PLEKHM3: variants seen among roughly 807,000 people sequenced by gnomAD.
The protein encoded by PLEKHM3 is pleckstrin homology domain-containing family M member 3.
PLEKHM3 carries 45 observed loss-of-function variants against 81.8 expected under a neutral mutation model. The ratio of observed to expected loss-of-function variants is 0.55; its 90% confidence interval spans 0.43 to 0.71. The LOEUF (loss-of-function observed/expected upper bound fraction) is 0.71. Among genes scored for constraint, PLEKHM3 ranks in the 30% least tolerant of loss-of-function variants. The probability of loss-of-function intolerance (pLI) is 0.00; values close to 1 mark genes in which losing one functional copy is unlikely to be tolerated. For missense variants in PLEKHM3, 788 were observed against 924.3 expected, an observed-to-expected ratio of 0.85 and a Z score of 1.91; for synonymous variants, 352 against 356.4, an observed-to-expected ratio of 0.99 and a Z score of 0.14.
At chr2:207,878,526 T>C (rs1378465193) in intron 6 of PLEKHM3, among the ~76,000 whole-genome samples, 5 of 152,230 alleles carry the variant, frequency 3.3e-5, no homozygotes, top group African/African-American at 1.2e-4. Context: ...CAGAATCGCT[T>C]GAACCCAGGA....
At chr2:207,970,238 AG>A (rs1691068269) in intron 3 of PLEKHM3, among the ~76,000 whole-genome samples, 1 of 151,878 alleles carries the variant, frequency 6.6e-6, no homozygotes, top group Non-Finnish European at 1.5e-5. Context: ...AAGAGGAGGT[AG>A]GGTGGGGCAA....
chr2:207,856,676 G>A (rs1451447980), intron 7 of PLEKHM3, among the ~76,000 whole-genome samples: 1 of 152,124 alleles, frequency 6.6e-6, no homozygotes, highest in South Asian at 2.1e-4. Flanking sequence ...ATATTCCGTT[G>A]TATGGATATG....
At chr2:207,934,349 A>G (rs571094723) in intron 4 of PLEKHM3, among the ~76,000 whole-genome samples, 2 of 152,290 alleles carry the variant, frequency 1.3e-5, no homozygotes, top group Non-Finnish European at 2.9e-5. Flanking sequence ...ATGAGCTCAA[A>G]TGAATGGTTT....
At chr2:207,857,227 A>G (rs960674720) in intron 7 of PLEKHM3, among the ~76,000 whole-genome samples, 4 of 152,176 alleles carry the variant, frequency 2.6e-5, no homozygotes, top group Admixed American at 2.6e-4. Flanking sequence ...TTTTGACTCT[A>G]TTCATACATT....
At chr2:207,925,132 G>GTTTTTTTTTTTTTTTTT in intron 5 of PLEKHM3, among the ~76,000 whole-genome samples, 2 of 138,520 alleles carry the variant, frequency 1.4e-5, no homozygotes, top group Non-Finnish European at 3.2e-5. Context: ...GAACAGGGTT[G>GTTTTTTTTTTTTTTTTT]TTTTTTTGTT....
chr2:207,890,593 C>T (rs1283923345), intron 6 of PLEKHM3, among the ~76,000 whole-genome samples: 1 of 151,904 alleles, frequency 6.6e-6, no homozygotes, highest in Non-Finnish European at 1.5e-5. Flanking sequence ...GTACCACTGC[C>T]CTCCAGCCTG....
At chr2:208,018,206 C>G (rs1164464551) in intron 1 of PLEKHM3, among the ~76,000 whole-genome samples, 2 of 152,038 alleles carry the variant, frequency 1.3e-5, no homozygotes, top group Non-Finnish European at 2.9e-5. Context: ...AACCCCATCT[C>G]TACCAAAAAT....
At chr2:207,943,087 A>G (rs1689997852) in intron 4 of PLEKHM3, among the ~76,000 whole-genome samples, 1 of 152,204 alleles carries the variant, frequency 6.6e-6, no homozygotes, top group Non-Finnish European at 1.5e-5. Context: ...ATAAAAATAT[A>G]GTGGGAAAGA....
chr2:207,847,526 G>C (rs888382636), intron 7 of PLEKHM3, among the ~76,000 whole-genome samples: 2 of 152,224 alleles, frequency 1.3e-5, no homozygotes, highest in Non-Finnish European at 2.9e-5. Flanking sequence ...CATGTGAGCT[G>C]TCTGGGCTTC....
At position 207,977,568 on chromosome 2, in the gene PLEKHM3, G is replaced by A; in HGVS notation, c.629C>T (p.Pro210Leu). Residue 210 changes from proline (P) to leucine (L), a missense_variant, in exon 3 of 8, where the codon CCA becomes CTA. By Grantham distance (98) the Pro-to-Leu change is moderately conservative. Transcript: ENST00000427836. The stretch of plus-strand genomic sequence containing the variant: ...CAGGTAACCCTTCTTTAGAATGTTT[G>A]GGAATGTCTGCTTGTGTTCTAGAAA... ...QGNTEHKQTF[P>L]NILKKGYLEI... is the part of the protein sequence containing the mutation. 6.2e-7 allele frequency: 1 copy of A among 1,607,544 alleles called. No individual in the cohort carries two copies. The highest frequency in any genetic ancestry group is 8.5e-7 in the Non-Finnish European group (1 of 1,177,436).
intron 4 of PLEKHM3, among the ~76,000 whole-genome samples, chr2:207,940,491 T>C (rs61369242): frequency 1.3e-5 from 2 of 152,304 alleles, no homozygotes; most frequent in African/African-American, 2.4e-5. Context: ...ATAACTTGCC[T>C]AGGTTAAACA....
At chr2:207,910,997 C>T (rs1688793677) in intron 5 of PLEKHM3, among the ~76,000 whole-genome samples, 1 of 152,110 alleles carries the variant, frequency 6.6e-6, no homozygotes, top group Middle Eastern at 3.2e-3. Flanking sequence ...CAACTGAGGG[C>T]AGGCTTCCAG....
chr2:208,020,877 A>G (rs566395570), intron 1 of PLEKHM3, among the ~76,000 whole-genome samples: 2 of 152,296 alleles, frequency 1.3e-5, no homozygotes, highest in African/African-American at 4.8e-5. Flanking sequence ...TAGGGTGACA[A>G]TGGGAAAATA....
At position 208,001,221 on chromosome 2, in the gene PLEKHM3, G is replaced by A. The variant is rs373262363; in HGVS notation, c.419C>T (p.Thr140Ile). The stretch of plus-strand genomic sequence containing the variant: ...AGCATGCCCTGGCTTGAAAGTTGAG[G>A]TCTCATCCAGTAAGTCATTTACAGA... ...PRSVNDLLDE[T>I]STFKPGHARS... The change falls in exon 2 of 8, where the codon ACC (threonine) becomes ATC (isoleucine). Residue 140 changes from threonine (T) to isoleucine (I), a missense_variant. Physicochemically the swap from Thr to Ile is moderately conservative, Grantham distance 89. Transcript: ENST00000427836. 1.4e-4 allele frequency: 219 copies of A among 1,614,020 alleles called. No individual in the cohort carries two copies. The highest frequency in any genetic ancestry group is 1.8e-4 in the Non-Finnish European group (212 of 1,180,030).
intron 2 of PLEKHM3, among the ~76,000 whole-genome samples, chr2:207,978,515 T>C (rs905972227): frequency 6.6e-6 from 1 of 152,144 alleles, no homozygotes; most frequent in African/African-American, 2.4e-5. Context: ...GAGCATAAAA[T>C]GTGCTGCTCA....
intron 7 of PLEKHM3, among the ~76,000 whole-genome samples, chr2:207,848,888 C>T (rs1322606496): frequency 6.6e-6 from 1 of 152,170 alleles, no homozygotes; most frequent in East Asian, 1.9e-4. Flanking sequence ...GACTAAGTTT[C>T]ATGGGAGGCT....
At position 207,825,348 on chromosome 2, in the gene PLEKHM3, C is replaced by T. The variant is rs1436444941; in HGVS notation, c.*2971G>A. 1.3e-5 allele frequency: 2 copies of T among 152,128 alleles called. No individual in the cohort carries two copies. Among genetic ancestry groups the T allele is most frequent in the South Asian group, 2.1e-4 (1 of 4,816 alleles). 9.4% of individuals were successfully genotyped at this position (152,128 alleles called of 1,614,324 possible). ...AGCCTTTCAGCAAAAAGCGGTTCCC[C>T]GGAGTCAGTTGCCAGCTCCAGGAGA... On this transcript the variant is annotated 3_prime_UTR_variant, in exon 8 of 8. Coordinates refer to ENST00000427836, the MANE Select transcript of PLEKHM3 (RefSeq NM_001080475.3).
In PLEKHM3 at chr2:207,976,899, A is replaced by T; in HGVS notation, c.1298T>A (p.Val433Asp). The part of the protein sequence containing the change: ...SCFQVIFPQD[V>D]LRLRAETRQR... ...TCGGGTCTCAGCTCGGAGGCGAAGG[A>T]CATCCTGGGGGAAAATGACTTGAAA... Residue 433 changes from valine (V) to aspartate (D), a missense_variant, in exon 3 of 8, where the codon GTC becomes GAC. Physicochemically the swap from Val to Asp is radical, Grantham distance 152. Transcript: ENST00000427836. This position sits in a 1 kb window ranked among gnomAD's most constrained non-coding sequence, Gnocchi z 4.1. 1 of 1,614,212 alleles carries T rather than the reference A, an allele frequency of 6.2e-7. No individual in the cohort carries two copies. The highest frequency in any genetic ancestry group is 8.5e-7 in the Non-Finnish European group (1 of 1,180,040).
intron 7 of PLEKHM3, among the ~76,000 whole-genome samples, chr2:207,839,347 A>G (rs937369005): frequency 2.0e-5 from 3 of 152,168 alleles, no homozygotes; most frequent in Admixed American, 6.5e-5. Flanking sequence ...AAAATGCAAA[A>G]AGTCTAGAAG....
Sources: gnomAD v4.1 joint callset for allele counts (sites outside exome capture counted in the v4.1 genomes callset) on GRCh38, gnomAD v4.1.1 for gene constraint, Gnocchi (gnomAD v3.1) non-coding constraint, MANE v1.5 for transcripts, NCBI Gene and HGNC (gene_info 2026-07-23, HGNC 2026-07-21) for gene names.